Variants in ZDHHC15 observed in about 807,000 individuals in gnomAD.
The protein encoded by ZDHHC15 is zDHHC palmitoyltransferase 15, also known as palmitoyltransferase ZDHHC15.
ZDHHC15 carries 19 observed loss-of-function variants against 31.7 expected under a neutral mutation model. The observed-to-expected ratio is 0.60, with a 90% CI of 0.42 to 0.88. The LOEUF (loss-of-function observed/expected upper bound fraction) is 0.88, where lower values mean the gene tolerates loss of function less well. Among genes scored for constraint, ZDHHC15 ranks in the 40% least tolerant of loss-of-function variants. The pLI is 0.00. For synonymous variants in ZDHHC15, 103 were observed against 90.0 expected, an observed-to-expected ratio of 1.14 and a Z score of -0.82; for missense variants, 209 against 251.2, an observed-to-expected ratio of 0.83 and a Z score of 1.14.
intron 1 of ZDHHC15, among the ~76,000 whole-genome samples, chrX:75,509,349 T>A (rs1340577041): frequency 8.9e-6 from 1 of 111,956 alleles, no homozygotes; most frequent in Non-Finnish European, 1.9e-5. Context: ...ATTCTTTTTT[T>A]CACTAAGTTT....
At chrX:75,403,468 T>C (rs1219058401) in intron 10 of ZDHHC15, among the ~76,000 whole-genome samples, 1 of 111,983 alleles carries the variant, frequency 8.9e-6, no homozygotes, top group African/African-American at 3.3e-5. Context: ...TATGATTCTC[T>C]ATCTAGAAAA....
chrX:75,480,072 G>A (rs974706640), intron 2 of ZDHHC15, among the ~76,000 whole-genome samples: 2 of 110,181 alleles, frequency 1.8e-5, no homozygotes, highest in African/African-American at 6.6e-5. Context: ...ACTTCAATCC[G>A]TCAGAAAGAC....
intron 3 of ZDHHC15, among the ~76,000 whole-genome samples, chrX:75,456,408 C>T (rs1336978254): frequency 1.8e-5 from 2 of 110,040 alleles, no homozygotes. Context: ...ATGTAAGTGT[C>T]AAGTTGATGG....
At chrX:75,411,052 T>C (rs775471436) in intron 10 of ZDHHC15, among the ~76,000 whole-genome samples, 12 of 111,354 alleles carry the variant, frequency 1.1e-4, no homozygotes, top group African/African-American at 3.9e-4. Flanking sequence ...CTCACAAAGA[T>C]AGAGAGTAGA....
chrX:75,442,247 C>G (rs1187217584), intron 4 of ZDHHC15, among the ~76,000 whole-genome samples: 2 of 111,879 alleles, frequency 1.8e-5, no homozygotes, highest in East Asian at 5.7e-4. Flanking sequence ...TGGCACAAGA[C>G]AGGGATGCCC....
chrX:75,432,941 A>G, intron 4 of ZDHHC15, among the ~76,000 whole-genome samples: 1 of 111,232 alleles, frequency 9.0e-6, no homozygotes, highest in South Asian at 3.9e-4. Context: ...CCATGAATGA[A>G]CCACTGTACT....
intron 3 of ZDHHC15, among the ~76,000 whole-genome samples, chrX:75,470,507 C>T (rs1461769365): frequency 9.0e-6 from 1 of 111,490 alleles, no homozygotes; most frequent in Non-Finnish European, 1.9e-5. Context: ...CCCAAAGAAA[C>T]ATGTGGCCTT....
At chrX:75,438,782 T>G (rs1456144786) in intron 4 of ZDHHC15, among the ~76,000 whole-genome samples, 1 of 112,107 alleles carries the variant, frequency 8.9e-6, no homozygotes, top group Non-Finnish European at 1.9e-5. Context: ...AAGTTCTATT[T>G]TGCTGTATTT....
intron 1 of ZDHHC15, among the ~76,000 whole-genome samples, 167 bp from the exon 2 acceptor site, chrX:75,506,014 G>A (rs1379165458): frequency 9.0e-6 from 1 of 111,298 alleles, no homozygotes; most frequent in Non-Finnish European, 1.9e-5. Context: ...GCAAAGATGA[G>A]GGAAGGCAAG....
intron 1 of ZDHHC15, among the ~76,000 whole-genome samples, chrX:75,513,567 G>A (rs369166085): frequency 1.9e-4 from 21 of 111,349 alleles, no homozygotes; most frequent in African/African-American, 6.5e-4. Context: ...GAGGACAGCC[G>A]CCTACACTCT....
intron 2 of ZDHHC15, among the ~76,000 whole-genome samples, chrX:75,496,070 G>GA (rs2084992763): frequency 9.0e-6 from 1 of 110,743 alleles, no homozygotes; most frequent in Admixed American, 9.7e-5. Context: ...GCAGAATGGA[G>GA]AAAAATCTAC....
chrX:75,519,848 G>T (rs1372952085), intron 1 of ZDHHC15, among the ~76,000 whole-genome samples: 1 of 111,890 alleles, frequency 8.9e-6, no homozygotes, highest in Non-Finnish European at 1.9e-5. Context: ...TGGCAGGAGG[G>T]ACTGGTTCAG....
At chrX:75,406,989 A>G (rs1311645700) in intron 10 of ZDHHC15, among the ~76,000 whole-genome samples, 1 of 112,360 alleles carries the variant, frequency 8.9e-6, no homozygotes, top group Non-Finnish European at 1.9e-5. Context: ...TCAGTGCTCA[A>G]TGTTGCCCAG....
intron 1 of ZDHHC15, 45 bp from the exon 2 acceptor site, chrX:75,505,892 T>C (rs761049428): frequency 2.8e-6 from 3 of 1,061,602 alleles, no homozygotes; most frequent in Non-Finnish European, 2.6e-6. Flanking sequence ...CAGACAGAGA[T>C]GGATGAGAGA....
Position 75,425,250 on chromosome X carries a change from T to TAC in ZDHHC15, c.604-467_604-466insGT, listed in dbSNP as rs376560539. Among the ~76,000 whole-genome samples the TAC allele has an allele frequency of 4.5e-5, 5 of 110,547 alleles. No homozygotes were observed. In the South Asian group the frequency reaches 1.9e-3, roughly 42 times the overall value. ...GTGATGTATGTAAGAAGTTAAAACA[T>TAC]AGGTAGAATTTTAAAATGTCCTACC... On this transcript the variant is annotated intron_variant, in intron 7 of 11. Coordinates refer to ENST00000373367, the MANE Select transcript of ZDHHC15 (RefSeq NM_144969.3).
At chrX:75,511,424 G>C (rs1410931567) in intron 1 of ZDHHC15, among the ~76,000 whole-genome samples, 1 of 62,624 alleles carries the variant, frequency 1.6e-5, no homozygotes, top group East Asian at 5.6e-4. Context: ...TGATGGGGTT[G>C]TTTGTTTTTT....
intron 1 of ZDHHC15, among the ~76,000 whole-genome samples, chrX:75,515,102 A>C (rs2085335188): frequency 1.8e-5 from 2 of 111,103 alleles, no homozygotes; most frequent in African/African-American, 6.6e-5. Flanking sequence ...CAACCAAAAA[A>C]AGTCCAGGAC....
chrX:75,442,859 G>A (rs1409817644), intron 4 of ZDHHC15, among the ~76,000 whole-genome samples: 18 of 107,753 alleles, frequency 1.7e-4, no homozygotes, highest in South Asian at 1.2e-3. Flanking sequence ...GGTGGCGGGC[G>A]CCTGTAGTCC....
intron 10 of ZDHHC15, among the ~76,000 whole-genome samples, chrX:75,387,075 A>G (rs775427870): frequency 1.8e-5 from 2 of 111,807 alleles, no homozygotes; most frequent in South Asian, 3.8e-4. Context: ...TGTTTACTAG[A>G]TCCTAGGAAA....
Sources: gnomAD v4.1 joint callset for allele counts (sites outside exome capture counted in the v4.1 genomes callset) on GRCh38, gnomAD v4.1.1 for gene constraint, MANE v1.5 for transcripts, NCBI Gene and HGNC (gene_info 2026-07-23, HGNC 2026-07-21) for gene names.